Variants in ABHD2 observed in about 807,000 individuals in gnomAD.
ABHD2 encodes the protein monoacylglycerol lipase ABHD2.
Under a neutral mutation model 48.1 loss-of-function variants are expected in ABHD2, and 20 were observed. That is an observed-to-expected ratio of 0.42 (90% CI 0.29 to 0.60). ABHD2 has a LOEUF of 0.60. ABHD2 is among the 20% of genes least tolerant of loss of function. The pLI is 0.24. For synonymous variants in ABHD2, 209 were observed against 214.2 expected (o/e 0.98, Z 0.21); for missense variants, 405 against 550.9 (o/e 0.74, Z 2.65).
intron 6 of ABHD2, among the ~76,000 whole-genome samples, chr15:89,181,228 CAAAAAAAAA>C (rs61411388): frequency 1.4e-5 from 1 of 69,176 alleles, no homozygotes; most frequent in African/African-American, 6.1e-5. Context: ...GACTCTGTCT[CAAAAAAAAA>C]AAAAAAAAAA....
intron 5 of ABHD2, among the ~76,000 whole-genome samples, chr15:89,163,062 A>G (rs540955308): frequency 6.6e-6 from 1 of 152,368 alleles, no homozygotes; most frequent in South Asian, 2.1e-4. Flanking sequence ...TTTTGAGCAG[A>G]TGCCAGGCAT....
rs1214623871 is a variant in ABHD2 at position 89,186,384 on chromosome 15, GATT to G, written c.815+878_815+880del. On this transcript the variant is annotated intron_variant, in intron 7 of 10. Transcript: ENST00000352732. This position sits in a 1 kb window ranked among gnomAD's most constrained non-coding sequence, Gnocchi z 4.3. ...ATATTAGCAATGACTTTTTCATTAT[GATT>G]ATTATTATTGCTGACATCTCTGCCT... is the stretch of plus-strand genomic sequence containing the variant. 2.0e-5 allele frequency among the ~76,000 whole-genome samples: 3 copies of G among 152,106 alleles called. No individual in the cohort carries two copies. Among genetic ancestry groups the G allele is most frequent in the Admixed American group, 1.3e-4 (2 of 15,260 alleles).
upstream of ABHD2, among the ~76,000 whole-genome samples, chr15:89,086,847 A>G (rs2150760530): frequency 1.3e-5 from 2 of 152,366 alleles, no homozygotes; most frequent in East Asian, 3.9e-4. Flanking sequence ...GATGGGGTTC[A>G]TCACTAAGAG....
At chr15:89,143,442 T>C (rs1286188329) in intron 3 of ABHD2, among the ~76,000 whole-genome samples, 1 of 151,858 alleles carries the variant, frequency 6.6e-6, no homozygotes, top group African/African-American at 2.4e-5. Context: ...CCGAGGCGGG[T>C]GGATCACCTG....
At chr15:89,134,601 T>C (rs1175753121) in intron 3 of ABHD2, among the ~76,000 whole-genome samples, 1 of 152,218 alleles carries the variant, frequency 6.6e-6, no homozygotes, top group African/African-American at 2.4e-5. Context: ...TTCTTGGCTA[T>C]TATAGCTGGT....
chr15:89,121,606 C>T (rs958037236), intron 3 of ABHD2, among the ~76,000 whole-genome samples: 4 of 152,072 alleles, frequency 2.6e-5, no homozygotes, highest in Admixed American at 2.0e-4. Context: ...CTATGACCTC[C>T]CTGCCTCTGA....
Position 89,116,642 on chromosome 15 carries a change from G to T in ABHD2, c.194+121G>T. 1 of 1,071,372 alleles carries T rather than the reference G, an allele frequency of 9.3e-7. No individual in the cohort carries two copies. The highest frequency in any genetic ancestry group is 1.3e-6 in the Non-Finnish European group (1 of 752,782). The allele number at this position is 1,071,372 out of a possible 1,614,324, so 66.4% of individuals were successfully genotyped here. ...GCATCAATGGGATATGACGTCACTG[G>T]TGTTAAAATAGCCACAGTCTGATTG... On this transcript the variant is annotated intron_variant, in intron 3 of 10. Coordinates refer to ENST00000352732, the MANE Select transcript of ABHD2 (RefSeq NM_152924.5). This position sits in a 1 kb window ranked among gnomAD's most constrained non-coding sequence, Gnocchi z 4.6.
chr15:89,045,240 CTCTGT>C, the ABHD2 span, among the ~76,000 whole-genome samples: 2 of 151,596 alleles, frequency 1.3e-5, no homozygotes, highest in African/African-American at 4.8e-5. Flanking sequence ...TTTCTGAGGG[CTCTGT>C]TCTGTTCCAT....
chr15:89,168,348 A>G lies in ABHD2; in HGVS notation c.539-7464A>G, dbSNP rs572771262. Among the ~76,000 whole-genome samples, 16 of 152,354 alleles carry G rather than the reference A, an allele frequency of 1.1e-4. No homozygotes were observed. The highest frequency in any genetic ancestry group is 3.8e-4 in the African/African-American group (16 of 41,574). On this transcript the variant is annotated intron_variant, in intron 5 of 10. Transcript: ENST00000352732. This position sits in a 1 kb window ranked among gnomAD's most constrained non-coding sequence, Gnocchi z 4.8. ...ATAGTTACCTAGTGCTAATCCCATA[A>G]GAATTAAATACATAGAGCCTCATTT... is the stretch of plus-strand genomic sequence containing the variant.
chr15:89,138,854 CTT>C (rs10707562), intron 3 of ABHD2, among the ~76,000 whole-genome samples: 3 of 148,816 alleles, frequency 2.0e-5, no homozygotes, highest in Admixed American at 1.3e-4. Flanking sequence ...CTAATCCTAG[CTT>C]TTTTTTTTTC....
chr15:89,137,150 A>G lies in ABHD2; in HGVS notation c.195-14527A>G, dbSNP rs1211676946. Reference sequence around the variant, plus strand: ...GTTCCAGTGGAACCCTGGAGACTGGAACTCTGGAGCTTCTTAATAAACTGC... The same window carrying G: ...GTTCCAGTGGAACCCTGGAGACTGGGACTCTGGAGCTTCTTAATAAACTGC... On this transcript the variant is annotated intron_variant, in intron 3 of 10. Coordinates refer to ENST00000352732, the MANE Select transcript of ABHD2 (RefSeq NM_152924.5). The surrounding 1 kb of genome is among the most constrained non-coding windows in gnomAD (Gnocchi z 4.8). Among the ~76,000 whole-genome samples the G allele has an allele frequency of 2.6e-5, 4 of 152,096 alleles. 1 individual carries two copies. The highest frequency in any genetic ancestry group is 5.9e-5 in the Non-Finnish European group (4 of 68,022).
intron 1 of ABHD2, among the ~76,000 whole-genome samples, chr15:89,113,337 G>A (rs1013986539): frequency 5.3e-5 from 8 of 152,160 alleles, no homozygotes; most frequent in South Asian, 2.1e-4. Context: ...CAAATAAGTC[G>A]ACTGGCTGTG....
the ABHD2 span, among the ~76,000 whole-genome samples, chr15:89,064,882 G>A: frequency 6.6e-6 from 1 of 152,038 alleles, no homozygotes; most frequent in African/African-American, 2.4e-5. Context: ...ACTCCCAGCT[G>A]AAGAAATAGA....
At chr15:89,118,103 CA>C (rs977962552) in intron 3 of ABHD2, among the ~76,000 whole-genome samples, 6 of 152,186 alleles carry the variant, frequency 3.9e-5, no homozygotes, top group Non-Finnish European at 2.9e-5. Flanking sequence ...AGTTAAAAAT[CA>C]GCTCTGTAAA....
At chr15:89,075,321 A>T in the ABHD2 span, 1 of 152,278 alleles carries the variant, frequency 6.6e-6, no homozygotes, top group Admixed American at 6.5e-5. This position sits in a 1 kb window ranked among gnomAD's most constrained non-coding sequence, Gnocchi z 4.1. Flanking sequence ...TGGATGAATG[A>T]ACTCCACAGG....
chr15:89,113,085 G>C (rs1353282500), intron 1 of ABHD2, among the ~76,000 whole-genome samples: 1 of 152,190 alleles, frequency 6.6e-6, no homozygotes, highest in Non-Finnish European at 1.5e-5. Flanking sequence ...TCTTTTAGCA[G>C]CTTCTTGCAC....
Position 89,191,042 on chromosome 15 carries a change from T to C in ABHD2, c.927-38T>C. 1.9e-6 allele frequency: 3 copies of C among 1,603,878 alleles called. No individual in the cohort carries two copies. In the South Asian group the frequency reaches 3.3e-5, roughly 18 times the overall value. On this transcript the variant is annotated intron_variant, in intron 8 of 10. Transcript: ENST00000352732. Reference sequence around the variant, plus strand: ...ATTCTGATCTTAAAGACCAATGTTTTGTCCTTTTTCTTTTTTTCTTTTTCT... The same window carrying C: ...ATTCTGATCTTAAAGACCAATGTTTCGTCCTTTTTCTTTTTTTCTTTTTCT...
Position 89,185,188 on chromosome 15 carries a change from G to C in ABHD2, c.723-236G>C, listed in dbSNP as rs2051185106. ...GGGGGTGCCACCAACAAAGCCTCTG[G>C]CGCTAGAGAGGGCCTTTGCCGGGGT... is the stretch of plus-strand genomic sequence containing the variant. On this transcript the variant is annotated intron_variant, in intron 6 of 10. Transcript: ENST00000352732. This position sits in a 1 kb window ranked among gnomAD's most constrained non-coding sequence, Gnocchi z 5.9. Among the ~76,000 whole-genome samples the C allele has an allele frequency of 6.6e-6, 1 of 152,184 alleles. No homozygotes were observed. The highest frequency in any genetic ancestry group is 2.1e-4 in the South Asian group (1 of 4,830).
Position 89,196,145 on chromosome 15 carries a change from C to T in ABHD2, c.*722C>T, listed in dbSNP as rs139971102. On this transcript the variant is annotated 3_prime_UTR_variant, in exon 11 of 11. Transcript: ENST00000352732. ...TTTCACAAGTGCCCCAGATGATTCT[C>T]ATCACCAAGCAAATTTTGGAAATGC... The T allele has an allele frequency of 1.2e-3, 189 of 152,516 alleles. 1 individual carries two copies. Among genetic ancestry groups the T allele is most frequent in the African/African-American group, 4.3e-3 (177 of 41,566 alleles). 9.4% of individuals were successfully genotyped at this position (152,516 alleles called of 1,614,324 possible).
Sources: gnomAD v4.1 joint callset for allele counts (sites outside exome capture counted in the v4.1 genomes callset) on GRCh38, gnomAD v4.1.1 for gene constraint, Gnocchi (gnomAD v3.1) non-coding constraint, MANE v1.5 for transcripts, NCBI Gene and HGNC (gene_info 2026-07-23, HGNC 2026-07-21) for gene names.